FAM184A: variants seen among roughly 807,000 people sequenced by gnomAD.
FAM184A encodes protein FAM184A.
A neutral mutation model predicts 143.8 loss-of-function variants in FAM184A; 99 were observed. That is an observed-to-expected ratio of 0.69 (90% CI 0.58 to 0.81). The LOEUF (loss-of-function observed/expected upper bound fraction) is 0.81, where lower values mean the gene tolerates loss of function less well. FAM184A is among the 40% of genes least tolerant of loss of function. FAM184A has a pLI of 0.00. For missense variants in FAM184A, 1,217 were observed against 1,310.5 expected (o/e 0.93, Z 1.10); for synonymous variants, 427 against 446.4 (o/e 0.96, Z 0.55).
intron 1 of FAM184A, among the ~76,000 whole-genome samples, chr6:119,043,776 A>T (rs1322773263): frequency 1.3e-5 from 2 of 152,240 alleles, no homozygotes; most frequent in African/African-American, 4.8e-5. Context: ...TGTAGGATGC[A>T]GCTCAAACAG....
intron 1 of FAM184A, among the ~76,000 whole-genome samples, chr6:119,025,262 G>A (rs181713702): frequency 6.6e-6 from 1 of 152,294 alleles, no homozygotes; most frequent in East Asian, 1.9e-4. Context: ...CACATGAAGA[G>A]AAGCCCTAGG....
chr6:119,010,142 G>A (rs1357385861), intron 6 of FAM184A, among the ~76,000 whole-genome samples: 2 of 152,124 alleles, frequency 1.3e-5, no homozygotes, highest in African/African-American at 4.8e-5. Context: ...TTTCTTCCAG[G>A]CAGCAGACTT....
At chr6:118,980,087 T>C in intron 10 of FAM184A, 51 bp downstream of exon 10, 8 of 1,509,820 alleles carry the variant, frequency 5.3e-6, no homozygotes, top group Admixed American at 1.8e-5. Context: ...TGAAGACTAA[T>C]TATTATTAGG....
At chr6:119,044,459 T>TA (rs1158276415) in intron 1 of FAM184A, among the ~76,000 whole-genome samples, 4 of 152,086 alleles carry the variant, frequency 2.6e-5, no homozygotes, top group African/African-American at 9.7e-5. Flanking sequence ...GGTATGCACT[T>TA]AGAGTCCTAG....
intron 9 of FAM184A, among the ~76,000 whole-genome samples, chr6:118,990,237 C>T (rs936686377): frequency 1.3e-5 from 2 of 152,138 alleles, no homozygotes; most frequent in South Asian, 2.1e-4. Context: ...TGTCATCAGA[C>T]AAAATATGTA....
At chr6:119,001,931 C>T (rs1784770453) in intron 9 of FAM184A, among the ~76,000 whole-genome samples, 1 of 152,008 alleles carries the variant, frequency 6.6e-6, no homozygotes, top group Admixed American at 6.6e-5. Flanking sequence ...AAAGTTGTTC[C>T]CTTGTTCTTT....
chr6:119,029,693 C>T (rs949256752), intron 1 of FAM184A, among the ~76,000 whole-genome samples: 1 of 152,060 alleles, frequency 6.6e-6, no homozygotes, highest in African/African-American at 2.4e-5. Flanking sequence ...TTTAAGTAAA[C>T]AAAACATGGC....
intron 1 of FAM184A, among the ~76,000 whole-genome samples, chr6:119,097,558 A>G (rs1184407086): frequency 6.6e-6 from 1 of 152,146 alleles, no homozygotes; most frequent in East Asian, 1.9e-4. Context: ...AGTCTTTTCT[A>G]CCACGGTCCC....
intron 1 of FAM184A, among the ~76,000 whole-genome samples, chr6:119,039,703 T>C (rs1426555557): frequency 1.3e-5 from 2 of 152,148 alleles, no homozygotes; most frequent in Non-Finnish European, 2.9e-5. Flanking sequence ...CACCCCCCAC[T>C]AGAAATGTCA....
At chr6:119,074,995 G>A (rs1487603107) in intron 1 of FAM184A, among the ~76,000 whole-genome samples, 2 of 152,162 alleles carry the variant, frequency 1.3e-5, no homozygotes, top group Non-Finnish European at 2.9e-5. Context: ...TAGGAAATAG[G>A]ATATGAACAA....
At chr6:119,053,150 A>G (rs1351171894) in intron 1 of FAM184A, among the ~76,000 whole-genome samples, 1 of 152,202 alleles carries the variant, frequency 6.6e-6, no homozygotes, top group Non-Finnish European at 1.5e-5. Flanking sequence ...TTTGGGTCAT[A>G]CATACACTCA....
chr6:119,102,758 C>T (rs2114836854), intron 1 of FAM184A, among the ~76,000 whole-genome samples: 1 of 127,210 alleles, frequency 7.9e-6, no homozygotes, highest in East Asian at 2.3e-4. Context: ...CCATTGCACT[C>T]CAGCCTGATG....
chr6:119,110,752 A>C (rs960801796), intron 1 of FAM184A, among the ~76,000 whole-genome samples: 2 of 152,256 alleles, frequency 1.3e-5, no homozygotes, highest in Non-Finnish European at 2.9e-5. Flanking sequence ...TATATTTCAC[A>C]ATTAAAGTAC....
intron 1 of FAM184A, among the ~76,000 whole-genome samples, chr6:119,027,454 T>G (rs553871359): frequency 4.7e-4 from 71 of 152,184 alleles, no homozygotes; most frequent in Non-Finnish European, 9.1e-4. Context: ...CTAAGACTTT[T>G]GTAATTTCCT....
intron 1 of FAM184A, among the ~76,000 whole-genome samples, chr6:119,094,279 G>A (rs1262626907): frequency 6.6e-6 from 1 of 152,046 alleles, no homozygotes; most frequent in Admixed American, 6.6e-5. Context: ...TGCTGTCATG[G>A]AAGACTTCTG....
At chr6:119,092,520 G>A (rs1788397449) in intron 1 of FAM184A, among the ~76,000 whole-genome samples, 1 of 152,142 alleles carries the variant, frequency 6.6e-6, no homozygotes, top group African/African-American at 2.4e-5. Flanking sequence ...AATGTGTAAG[G>A]ATCAAATCAG....
intron 1 of FAM184A, among the ~76,000 whole-genome samples, chr6:119,033,882 C>T (rs537181121): frequency 4.8e-4 from 70 of 146,540 alleles, no homozygotes; most frequent in Non-Finnish European, 8.5e-4. Context: ...ATCCCAGCTA[C>T]CCAGGAGGCT....
At chr6:119,133,236 T>C (rs892125458) in intron 1 of FAM184A, among the ~76,000 whole-genome samples, 2 of 152,186 alleles carry the variant, frequency 1.3e-5, no homozygotes, top group Non-Finnish European at 1.5e-5. Context: ...ATTCTACAGC[T>C]CAGTTCCTAT....
intron 1 of FAM184A, among the ~76,000 whole-genome samples, chr6:119,076,633 T>G (rs1787881086): frequency 6.6e-6 from 1 of 152,228 alleles, no homozygotes; most frequent in Non-Finnish European, 1.5e-5. Context: ...TTCCTATTAC[T>G]TACAGTAGGG....
Sources: allele counts gnomAD v4.1 joint callset (sites outside exome capture counted in the v4.1 genomes callset), GRCh38; gene constraint gnomAD v4.1.1; transcripts MANE v1.5; gene names NCBI Gene and HGNC (gene_info 2026-07-23, HGNC 2026-07-21).